The following TOGARAM1 variants were observed in gnomAD, a reference collection of about 807,000 sequenced individuals.
TOGARAM1 encodes TOG array regulator of axonemal microtubules protein 1.
Under a neutral mutation model 166.6 loss-of-function variants are expected in TOGARAM1, and 100 were observed. The observed-to-expected ratio is 0.60, with a 90% CI of 0.51 to 0.71. The LOEUF (loss-of-function observed/expected upper bound fraction) is 0.71. Ranked by LOEUF, TOGARAM1 falls within the 30% of genes least tolerant of loss-of-function variation. The pLI is 0.00. For missense variants in TOGARAM1, 2,029 were observed against 2,102.7 expected, an observed-to-expected ratio of 0.96 and a Z score of 0.69; for synonymous variants, 758 against 763.8, an observed-to-expected ratio of 0.99 and a Z score of 0.13.
At chr14:44,978,725 A>C (rs1313076236) in intron 1 of TOGARAM1, among the ~76,000 whole-genome samples, 1 of 151,840 alleles carries the variant, frequency 6.6e-6, no homozygotes, top group Non-Finnish European at 1.5e-5. Flanking sequence ...TGAGCCTGGG[A>C]GGTCGAGGCT....
chr14:45,073,868 C>T lies in TOGARAM1; in HGVS notation c.*307C>T. ...ATTCTATAGAAACTACAATTTGTTG[C>T]CCTATATGTAAAATTAGAATTGTAA... On this transcript the variant is annotated 3_prime_UTR_variant, in exon 20 of 20. Coordinates refer to ENST00000361462, the MANE Select transcript of TOGARAM1 (RefSeq NM_001308120.2). 1 of 207,544 alleles carries T rather than the reference C, an allele frequency of 4.8e-6. No individual in the cohort carries two copies. 12.9% of individuals were successfully genotyped at this position (207,544 alleles called of 1,614,324 possible).
chr14:45,044,550 A>AG lies in TOGARAM1; in HGVS notation c.3919-85_3919-84insG, dbSNP rs1231613454. 42 of 1,081,530 alleles carry AG rather than the reference A, an allele frequency of 3.9e-5. 1 individual carries two copies. Among genetic ancestry groups the AG allele is most frequent in the African/African-American group, 8.0e-5 (5 of 62,410 alleles). 67.0% of individuals were successfully genotyped at this position (1,081,530 alleles called of 1,614,324 possible). A position where few individuals can be genotyped will look rare whatever the true frequency, so the allele number is the denominator to read the frequency against. ...AGCGAGACCCTAACTCAAAAAAAAA[A>AG]ACATTGTAAAATTCCTTTCCAAGTT... On this transcript the variant is annotated intron_variant, in intron 12 of 19. Coordinates refer to ENST00000361462, the MANE Select transcript of TOGARAM1 (RefSeq NM_001308120.2).
intron 16 of TOGARAM1, among the ~76,000 whole-genome samples, chr14:45,064,886 G>A (rs746925123): frequency 1.3e-5 from 2 of 151,962 alleles, no homozygotes; most frequent in Non-Finnish European, 2.9e-5. Context: ...GAGAGGTAGG[G>A]GGTGTGAGTG....
intron 7 of TOGARAM1, among the ~76,000 whole-genome samples, chr14:45,012,852 C>T (rs573678289): frequency 6.6e-6 from 1 of 152,180 alleles, no homozygotes; most frequent in East Asian, 1.9e-4. Flanking sequence ...AATCTCAACC[C>T]CTCTTTGTAA....
At chr14:44,997,808 A>C (rs1022920139) in intron 2 of TOGARAM1, among the ~76,000 whole-genome samples, 17 of 152,148 alleles carry the variant, frequency 1.1e-4, no homozygotes, top group Non-Finnish European at 2.2e-4. Context: ...GTCTCAAAAA[A>C]AAAAAAGAAG....
intron 6 of TOGARAM1, 64 bp downstream of exon 6, chr14:45,009,209 A>G (rs569076058): frequency 6.0e-5 from 71 of 1,184,008 alleles, no homozygotes; most frequent in Non-Finnish European, 8.1e-5. Context: ...GAGCCCTAAT[A>G]TCATATTTGT....
Position 45,054,491 on chromosome 14 carries a change from A to G in TOGARAM1, c.4501A>G (p.Ser1501Gly), listed in dbSNP as rs200225422. ...SAKGRRSHTG[S>G]VGNTRSSSVS... ...AAAAGGAAGACGATCTCATACTGGCAGTGTTGGAAATACAAGATCATCATC... is the reference window on the plus strand; with the variant it reads ...AAAAGGAAGACGATCTCATACTGGCGGTGTTGGAAATACAAGATCATCATC... Residue 1501 changes from serine (S) to glycine (G), a missense_variant, in exon 16 of 20, where the codon AGT (serine) becomes GGT (glycine). Around this residue, in one of 2 missense-constraint regions of TOGARAM1, gnomAD observed 576 missense variants for 670.5 expected, o/e 0.86. Coordinates refer to ENST00000361462, the MANE Select transcript of TOGARAM1 (RefSeq NM_001308120.2). The G allele has an allele frequency of 3.4e-5, 55 of 1,613,682 alleles. No homozygotes were observed. The highest frequency in any genetic ancestry group is 3.3e-4 in the East Asian group (15 of 44,818).
At chr14:45,045,302 C>A (rs1009815081) in intron 13 of TOGARAM1, among the ~76,000 whole-genome samples, 1 of 151,038 alleles carries the variant, frequency 6.6e-6, no homozygotes, top group Non-Finnish European at 1.5e-5. Context: ...TAGTTTTTAT[C>A]CCTCGCCCCC....
intron 1 of TOGARAM1, among the ~76,000 whole-genome samples, chr14:44,966,622 CTT>C (rs888760370): frequency 1.5e-4 from 22 of 151,162 alleles, no homozygotes; most frequent in Non-Finnish European, 2.9e-4. Context: ...TTTTTTTTAA[CTT>C]TTTCATGATA....
intron 11 of TOGARAM1, among the ~76,000 whole-genome samples, chr14:45,042,910 C>T (rs539903806): frequency 1.1e-4 from 17 of 152,252 alleles, no homozygotes; most frequent in South Asian, 4.1e-4. Flanking sequence ...ACAGTGTACC[C>T]GGTCACTCAG....
chr14:45,019,755 C>A (rs1432294553), intron 7 of TOGARAM1, among the ~76,000 whole-genome samples: 1 of 152,194 alleles, frequency 6.6e-6, no homozygotes, highest in Non-Finnish European at 1.5e-5. Flanking sequence ...GTCACCTTCC[C>A]AGCTAGGCTT....
Position 44,995,893 on chromosome 14 carries a change from T to A in TOGARAM1, c.2194T>A (p.Cys732Ser). The change falls in exon 2 of 20, where the codon TGT (cysteine) becomes AGT (serine). Residue 732 changes from cysteine (C) to serine (S), a missense_variant. Coordinates refer to ENST00000361462, the MANE Select transcript of TOGARAM1 (RefSeq NM_001308120.2). Reference sequence around the variant, plus strand: ...TTTTAACCCAGATTGTCTTCCTTTATGTGCTGCTGGTAAGTACAAGTTGCT... The same window carrying A: ...TTTTAACCCAGATTGTCTTCCTTTAAGTGCTGCTGGTAAGTACAAGTTGCT... ...RDFNPDCLPL[C>S]AAGTTGTHQT... 6.2e-7 allele frequency: 1 copy of A among 1,605,942 alleles called. No individual in the cohort carries two copies. The highest frequency in any genetic ancestry group is 1.7e-5 in the Admixed American group (1 of 58,196).
At chr14:44,979,257 T>C (rs531510931) in intron 1 of TOGARAM1, among the ~76,000 whole-genome samples, 2 of 152,280 alleles carry the variant, frequency 1.3e-5, no homozygotes, top group East Asian at 3.9e-4. Context: ...CTGGGTAATT[T>C]ATAAACAATA....
At chr14:45,052,055 T>C (rs1421645905) in intron 14 of TOGARAM1, among the ~76,000 whole-genome samples, 1 of 152,188 alleles carries the variant, frequency 6.6e-6, no homozygotes, top group African/African-American at 2.4e-5. Flanking sequence ...CAGTACATTG[T>C]AGAGTATGGT....
chr14:45,020,611 AG>A (rs1880443525), intron 7 of TOGARAM1, among the ~76,000 whole-genome samples: 1 of 151,566 alleles, frequency 6.6e-6, no homozygotes, highest in Non-Finnish European at 1.5e-5. Context: ...AGATGGTCAT[AG>A]GGTGCACTAA....
rs151144259 is a variant in TOGARAM1, at chr14:45,018,620, TAACTC to T, written c.3238+6548_3238+6552del. Among the ~76,000 whole-genome samples the T allele has an allele frequency of 9.5e-4, 145 of 152,324 alleles. No individual in the cohort carries two copies. In the East Asian group the frequency reaches 0.019, roughly 19 times the overall value. ...AGGACATGAATATTTTTTGTGGACATAACTCAAATTGAGTAAGATGGAGCTTGATT... is the reference window on the plus strand; with the variant it reads ...AGGACATGAATATTTTTTGTGGACATAAATTGAGTAAGATGGAGCTTGATT... On this transcript the variant is annotated intron_variant, in intron 7 of 19. Transcript: ENST00000361462.
At chr14:45,031,310 A>G (rs1298981939) in intron 10 of TOGARAM1, among the ~76,000 whole-genome samples, 2 of 152,206 alleles carry the variant, frequency 1.3e-5, no homozygotes, top group African/African-American at 4.8e-5. Flanking sequence ...CTCGCATTAT[A>G]TAGTGCTCTC....
chr14:44,964,129 C>T lies in TOGARAM1; in HGVS notation c.1708C>T (p.Gln570Ter). ...DNGDGVMNAV[Q>*]ARLARKTLPR... ...TGGAGATGGAGTGATGAATGCTGTG[C>T]AGGCCAGATTGGCTAGGAAAACCTT... Residue 570 changes from glutamine (Q) to a stop codon, truncating the protein, a stop_gained, in exon 1 of 20, where the codon CAG (glutamine) becomes TAG (stop). Transcript: ENST00000361462. LOFTEE classifies it high-confidence loss of function. 1 of 1,614,188 alleles carries T rather than the reference C, an allele frequency of 6.2e-7. No individual in the cohort carries two copies. Among genetic ancestry groups the T allele is most frequent in the Non-Finnish European group, 8.5e-7 (1 of 1,180,034 alleles).
At chr14:45,023,706 C>T (rs1880659375) in intron 7 of TOGARAM1, among the ~76,000 whole-genome samples, 1 of 152,068 alleles carries the variant, frequency 6.6e-6, no homozygotes, top group Non-Finnish European at 1.5e-5. Flanking sequence ...GAGTGATTCT[C>T]TGTTTTCTAC....
Sources: allele counts gnomAD v4.1 joint callset (sites outside exome capture counted in the v4.1 genomes callset), GRCh38; gene constraint gnomAD v4.1.1; regional missense constraint gnomAD v4.1.1; transcripts MANE v1.5; gene names NCBI Gene and HGNC (gene_info 2026-07-23, HGNC 2026-07-21).